The following MXI1 variants were observed in gnomAD, a reference collection of about 807,000 sequenced individuals.
MXI1 encodes MAX interactor 1, dimerization protein.
In MXI1, 18 loss-of-function variants were observed where a neutral mutation model predicts 36.9. That is an observed-to-expected ratio of 0.49 (90% confidence interval 0.34 to 0.72). The LOEUF is 0.72. MXI1 is among the 30% of genes least tolerant of loss of function. MXI1 has a pLI of 0.01. For missense variants in MXI1, 304 were observed against 379.1 expected, an observed-to-expected ratio of 0.80 and a Z score of 1.64; for synonymous variants, 160 against 146.7, an observed-to-expected ratio of 1.09 and a Z score of -0.65.
At chr10:110,226,212 T>A in intron 1 of MXI1, 2 of 1,479,566 alleles carry the variant, frequency 1.4e-6, no homozygotes, top group Non-Finnish European at 9.0e-7. Flanking sequence ...GCGGTGCCCA[T>A]GGAGCGGGTG....
chr10:110,209,924 C>A (rs1029191322), intron 1 of MXI1, among the ~76,000 whole-genome samples: 2 of 150,192 alleles, frequency 1.3e-5, no homozygotes, highest in African/African-American at 4.9e-5. Context: ...TGCCCCCCTA[C>A]CCCAGCCACC....
chr10:110,235,694 T>A (rs76863268), intron 2 of MXI1, among the ~76,000 whole-genome samples: 66,353 of 145,516 alleles, frequency 0.46, 16,260 homozygotes, highest in East Asian at 0.73. Flanking sequence ...TCTCAAAAAA[T>A]AAATAAATAA....
At chr10:110,259,138 C>T (rs908320920) in intron 3 of MXI1, among the ~76,000 whole-genome samples, 2 of 151,932 alleles carry the variant, frequency 1.3e-5, no homozygotes, top group Admixed American at 1.3e-4. Context: ...TATATTATAG[C>T]GAAGTTGTGG....
At chr10:110,246,727 T>C (rs979665426) in intron 3 of MXI1, among the ~76,000 whole-genome samples, 1 of 152,198 alleles carries the variant, frequency 6.6e-6, no homozygotes, top group Non-Finnish European at 1.5e-5. Context: ...AGGATAAAAC[T>C]GGAACTCAAA....
chr10:110,259,092 TAAAC>T (rs756910671), intron 3 of MXI1, among the ~76,000 whole-genome samples: 36 of 152,126 alleles, frequency 2.4e-4, no homozygotes, highest in Non-Finnish European at 3.1e-4. Flanking sequence ...TGTATAGAAA[TAAAC>T]AAATAAGTCA....
chr10:110,228,131 T>TCTTTGCAGTACC, intron 1 of MXI1, 58 bp from the exon 2 acceptor site: 1 of 1,584,866 alleles, frequency 6.3e-7, no homozygotes, highest in Non-Finnish European at 8.6e-7. Context: ...GATTTGTGGG[T>TCTTTGCAGTACC]CAATGGATTT....
At chr10:110,226,115 T>C in intron 1 of MXI1, 1 of 1,216,094 alleles carries the variant, frequency 8.2e-7, no homozygotes, top group African/African-American at 1.6e-5. Context: ...CCGTCGCACA[T>C]GTTCCGGAAC....
At chr10:110,255,334 C>T (rs1856247178) in intron 3 of MXI1, among the ~76,000 whole-genome samples, 1 of 152,270 alleles carries the variant, frequency 6.6e-6, no homozygotes, top group African/African-American at 2.4e-5. Flanking sequence ...TATTGCTCAT[C>T]GACAATACAC....
At position 110,286,000 on chromosome 10, in the gene MXI1, C is replaced by T. The variant is rs1044840369; in HGVS notation, c.*1013C>T. On this transcript the variant is annotated 3_prime_UTR_variant, in exon 6 of 6. Coordinates refer to ENST00000332674, the MANE Select transcript of MXI1 (RefSeq NM_130439.3). ...AAAAACACATGGGGAAAAAAATCATCTATTTTGATGCAGCATTTGATAATG... is the reference window on the plus strand; with the variant it reads ...AAAAACACATGGGGAAAAAAATCATTTATTTTGATGCAGCATTTGATAATG... 9.2e-5 allele frequency: 14 copies of T among 152,544 alleles called. No homozygotes were observed. Among genetic ancestry groups the T allele is most frequent in the African/African-American group, 3.4e-4 (14 of 41,422 alleles). 9.4% of individuals were successfully genotyped at this position (152,544 alleles called of 1,614,324 possible).
chr10:110,263,261 A>G lies in MXI1; in HGVS notation c.438-15919A>G, dbSNP rs572485416. On this transcript the variant is annotated intron_variant, in intron 3 of 5. Coordinates refer to ENST00000332674, the MANE Select transcript of MXI1 (RefSeq NM_130439.3). ...TAGAAAATATTTTAGGAAGGCACAT[A>G]GTGAGATATTTGCTACCCTGCAAAT... 2.0e-5 allele frequency among the ~76,000 whole-genome samples: 3 copies of G among 152,320 alleles called. No individual in the cohort carries two copies. The East Asian group carries it at 5.8e-4, about 29-fold the overall frequency.
At position 110,247,681 on chromosome 10, in the gene MXI1, A is replaced by G. The variant is rs537882666; in HGVS notation, c.437+2824A>G. On this transcript the variant is annotated intron_variant, in intron 3 of 5. Coordinates refer to ENST00000332674, the MANE Select transcript of MXI1 (RefSeq NM_130439.3). ...CACCAGTTAGAATGGCGATCATTAC[A>G]AAGTCAGGAAACAACAGATGCTGGA... Among the ~76,000 whole-genome samples, 4 of 152,324 alleles carry G rather than the reference A, an allele frequency of 2.6e-5. No homozygotes were observed. The East Asian group carries it at 7.7e-4, about 29-fold the overall frequency.
chr10:110,216,665 G>GTTTTTTTT (rs10656872), intron 1 of MXI1, among the ~76,000 whole-genome samples: 1,402 of 78,994 alleles, frequency 0.018, 286 homozygotes, highest in African/African-American at 0.082. Context: ...TGTGTTTAAT[G>GTTTTTTTT]TTTTTTTTTT....
intron 3 of MXI1, among the ~76,000 whole-genome samples, chr10:110,262,570 G>A (rs1330180971): frequency 6.6e-6 from 1 of 151,980 alleles, no homozygotes; most frequent in African/African-American, 2.4e-5. Flanking sequence ...TGTAGTAAGA[G>A]TGCATTAATT....
chr10:110,280,827 C>T (rs1857221673), intron 5 of MXI1, among the ~76,000 whole-genome samples: 1 of 152,182 alleles, frequency 6.6e-6, no homozygotes, highest in Non-Finnish European at 1.5e-5. Context: ...CTCTTTCCAT[C>T]TATCCTAGAA....
At chr10:110,265,677 A>G (rs77334726) in intron 3 of MXI1, among the ~76,000 whole-genome samples, 8,048 of 152,310 alleles carry the variant, frequency 0.053, 323 homozygotes, top group Middle Eastern at 0.15. Flanking sequence ...GGTAGAAGAC[A>G]AAAGATATTA....
chr10:110,226,073 G>A, intron 1 of MXI1: 1 of 1,037,746 alleles, frequency 9.6e-7, no homozygotes, highest in East Asian at 6.8e-5. Flanking sequence ...GGCGGAGAGC[G>A]CGCCGAGCCG....
intron 1 of MXI1, among the ~76,000 whole-genome samples, chr10:110,210,972 T>G (rs1439940457): frequency 1.3e-5 from 2 of 152,026 alleles, no homozygotes; most frequent in Non-Finnish European, 2.9e-5. Flanking sequence ...TCCGATAGGA[T>G]TCCAGCATCT....
intron 3 of MXI1, among the ~76,000 whole-genome samples, chr10:110,254,403 T>C (rs971977834): frequency 1.3e-5 from 2 of 152,102 alleles, no homozygotes; most frequent in African/African-American, 2.4e-5. Flanking sequence ...CTCCCTCTTA[T>C]TGTCCCTGAG....
At chr10:110,219,064 C>T (rs1854729008) in intron 1 of MXI1, among the ~76,000 whole-genome samples, 1 of 152,208 alleles carries the variant, frequency 6.6e-6, no homozygotes, top group Non-Finnish European at 1.5e-5. Flanking sequence ...CTTTGGGAGG[C>T]CGAAGTGGGT....
Sources: allele counts gnomAD v4.1 joint callset (sites outside exome capture counted in the v4.1 genomes callset), GRCh38; gene constraint gnomAD v4.1.1; transcripts MANE v1.5; gene names NCBI Gene and HGNC (gene_info 2026-07-23, HGNC 2026-07-21).